Variants in MORC3 observed in about 807,000 individuals in gnomAD.
The protein encoded by MORC3 is MORC family CW-type zinc finger protein 3.
A neutral mutation model predicts 109.1 loss-of-function variants in MORC3; 31 were observed. That is an observed-to-expected ratio of 0.28 (90% confidence interval 0.21 to 0.38). The LOEUF (loss-of-function observed/expected upper bound fraction) is 0.38, where lower values mean the gene tolerates loss of function less well. Ranked by LOEUF, MORC3 falls within the 10% of genes least tolerant of loss-of-function variation. MORC3 has a pLI of 1.00. For synonymous variants in MORC3, 395 were observed against 380.7 expected, an observed-to-expected ratio of 1.04 and a Z score of -0.44; for missense variants, 867 against 1,135.8, an observed-to-expected ratio of 0.76 and a Z score of 3.40.
At chr21:36,344,196 C>T (rs1051560528) in intron 6 of MORC3, among the ~76,000 whole-genome samples, 5 of 151,398 alleles carry the variant, frequency 3.3e-5, no homozygotes, top group Non-Finnish European at 5.9e-5. Context: ...GGTGTGATCT[C>T]GGCTCACTGC....
chr21:36,324,317 G>A (rs560362844), intron 1 of MORC3, among the ~76,000 whole-genome samples: 13 of 148,434 alleles, frequency 8.8e-5, no homozygotes, highest in East Asian at 2.0e-4. Flanking sequence ...TCGCTCTGTC[G>A]TCCAGGCTGG....
chr21:36,337,458 C>T (rs2085386885), intron 3 of MORC3, among the ~76,000 whole-genome samples: 1 of 151,940 alleles, frequency 6.6e-6, no homozygotes, highest in Non-Finnish European at 1.5e-5. Context: ...CTTTTTCTCC[C>T]CTGTGATGTA....
At chr21:36,344,539 AAACCTGT>A in intron 6 of MORC3, 33 bp from the exon 7 acceptor site, 1 of 1,594,998 alleles carries the variant, frequency 6.3e-7, no homozygotes, top group African/African-American at 1.3e-5. Flanking sequence ...AATGGTGAGC[AAACCTGT>A]AGATACTAAC....
intron 1 of MORC3, among the ~76,000 whole-genome samples, chr21:36,328,169 G>A (rs376388040): frequency 1.4e-4 from 21 of 152,020 alleles, no homozygotes; most frequent in East Asian, 1.4e-3. Context: ...GAGCCACCAC[G>A]CCCAGCTGTC....
intron 8 of MORC3, among the ~76,000 whole-genome samples, chr21:36,347,019 A>C (rs1047958064): frequency 1.3e-5 from 2 of 150,876 alleles, no homozygotes; most frequent in South Asian, 2.1e-4. Context: ...AAAAAAAAAA[A>C]AAAAAAACAA....
At chr21:36,330,885 G>A (rs1006938290) in intron 1 of MORC3, among the ~76,000 whole-genome samples, 19 of 152,228 alleles carry the variant, frequency 1.2e-4, no homozygotes, top group African/African-American at 4.6e-4. Context: ...TTTGTGATGT[G>A]TGCTTTAGAA....
chr21:36,370,631 A>AT (rs2085847305), intron 15 of MORC3, among the ~76,000 whole-genome samples: 2 of 23,822 alleles, frequency 8.4e-5, no homozygotes, highest in Non-Finnish European at 1.8e-4. Flanking sequence ...ATATATATAT[A>AT]TATATATATT....
intron 8 of MORC3, among the ~76,000 whole-genome samples, chr21:36,346,980 T>A (rs2085514891): frequency 6.9e-6 from 1 of 144,816 alleles, no homozygotes. Flanking sequence ...TACTCCAGCC[T>A]GGGCAACAGA....
intron 1 of MORC3, among the ~76,000 whole-genome samples, chr21:36,329,094 ACCAGCGTGG>A (rs1400429668): frequency 6.6e-6 from 1 of 151,980 alleles, no homozygotes; most frequent in East Asian, 1.9e-4. Flanking sequence ...GCAGTTCGAG[ACCAGCGTGG>A]CCAGCATGGT....
At chr21:36,327,155 CTTTTTTTTTTT>C (rs71326674) in intron 1 of MORC3, among the ~76,000 whole-genome samples, 3 of 81,952 alleles carry the variant, frequency 3.7e-5, no homozygotes, top group Admixed American at 1.6e-4. Context: ...GGCTTTATTT[CTTTTTTTTTTT>C]TTTTTTTTTT....
Position 36,345,013 on chromosome 21 carries a change from A to G in MORC3, c.987A>G (p.Lys329=). ...HRNRLIKAYE[K]VGCQLRANNM... ...ATAGACTCATCAAAGCTTATGAAAA[A>G]GTTGGATGTCAGTTAAGGGTAAGCT... The change falls in exon 8 of 17, where the codon AAA becomes AAG. Residue 329 remains lysine, a synonymous_variant. Coordinates refer to ENST00000400485, the MANE Select transcript of MORC3 (RefSeq NM_015358.3). The G allele has an allele frequency of 1.2e-6, 2 of 1,602,700 alleles. No individual in the cohort carries two copies. Among genetic ancestry groups the G allele is most frequent in the African/African-American group, 2.7e-5 (2 of 74,342 alleles).
intron 5 of MORC3, 108 bp from the exon 6 acceptor site, chr21:36,341,291 C>A: frequency 9.6e-7 from 1 of 1,038,456 alleles, no homozygotes; most frequent in Non-Finnish European, 1.4e-6. Context: ...TGACGTGCAC[C>A]ATGTGTAGGT....
chr21:36,333,769 TTTTTTTTTTGTTTTGTTTTG>T (rs1569090604), intron 2 of MORC3, 51 bp downstream of exon 2: 1 of 1,370,352 alleles, frequency 7.3e-7, no homozygotes, highest in South Asian at 1.3e-5. Context: ...ATTGTAGTGT[TTTTTTTTTTGTTTTGTTTTG>T]TTTTTTTTTT....
At chr21:36,350,862 A>G (rs1338611894) in intron 9 of MORC3, among the ~76,000 whole-genome samples, 1 of 152,118 alleles carries the variant, frequency 6.6e-6, no homozygotes, top group Non-Finnish European at 1.5e-5. Flanking sequence ...AAAACAATAC[A>G]TAATAGTTCA....
intron 16 of MORC3, among the ~76,000 whole-genome samples, chr21:36,373,644 T>C (rs1050516319): frequency 4.7e-5 from 7 of 148,862 alleles, no homozygotes; most frequent in Non-Finnish European, 5.9e-5. Context: ...AAAGCTGGTA[T>C]GGGAACGATT....
At chr21:36,361,943 C>T in intron 12 of MORC3, 2 of 561,678 alleles carry the variant, frequency 3.6e-6, no homozygotes, top group Non-Finnish European at 6.4e-6. Context: ...GTTATCTGGT[C>T]TTAGTGGAGA....
intron 6 of MORC3, among the ~76,000 whole-genome samples, chr21:36,342,585 G>C (rs1017572687): frequency 1.6e-4 from 24 of 152,084 alleles, no homozygotes; most frequent in Middle Eastern, 3.4e-3. Flanking sequence ...TGTATTTTTG[G>C]TAGAGACGAT....
chr21:36,337,313 T>C (rs989489084), intron 3 of MORC3, among the ~76,000 whole-genome samples: 4 of 152,192 alleles, frequency 2.6e-5, no homozygotes, highest in Non-Finnish European at 5.9e-5. Context: ...TAATAAAACC[T>C]ACCACTTTGT....
At chr21:36,320,886 T>A (rs189728076) in intron 1 of MORC3, among the ~76,000 whole-genome samples, 2 of 152,256 alleles carry the variant, frequency 1.3e-5, no homozygotes, top group Non-Finnish European at 2.9e-5. Context: ...GCGTTGCGTC[T>A]GTTTTGGGGC....
Sources: gnomAD v4.1 joint callset for allele counts (sites outside exome capture counted in the v4.1 genomes callset) on GRCh38, gnomAD v4.1.1 for gene constraint, MANE v1.5 for transcripts, NCBI Gene and HGNC (gene_info 2026-07-23, HGNC 2026-07-21) for gene names.